The following CREB1 variants were observed in gnomAD, a reference collection of about 807,000 sequenced individuals.
The protein encoded by CREB1 is cAMP responsive element binding protein 1.
Under a neutral mutation model 42.0 loss-of-function variants are expected in CREB1, and 2 were observed. The ratio of observed to expected loss-of-function variants is 0.05; its 90% CI spans 0.02 to 0.15. The LOEUF (loss-of-function observed/expected upper bound fraction) is 0.15. CREB1 is among the 10% of genes least tolerant of loss of function. The pLI, the probability that CREB1 is intolerant of heterozygous loss-of-function variation, is 1.00. For missense variants in CREB1, 199 were observed against 388.9 expected (o/e 0.51, Z 4.11); for synonymous variants, 123 against 139.9 (o/e 0.88, Z 0.85).
chr2:207,540,045 C>T (rs1275091929), intron 1 of CREB1, among the ~76,000 whole-genome samples: 3 of 152,242 alleles, frequency 2.0e-5, no homozygotes, highest in African/African-American at 7.2e-5. Context: ...CAATTCTTCT[C>T]CTTAGTGTAG....
rs904997551 is a variant in CREB1 at position 207,604,330 on chromosome 2, G to A, written c.*7272G>A. Among the ~76,000 whole-genome samples the A allele has an allele frequency of 1.3e-5, 2 of 152,176 alleles. No individual in the cohort carries two copies. Among genetic ancestry groups the A allele is most frequent in the Non-Finnish European group, 2.9e-5 (2 of 68,036 alleles). On this transcript the variant is annotated 3_prime_UTR_variant, in exon 8 of 8. Coordinates refer to ENST00000353267, the MANE Select transcript of CREB1 (RefSeq NM_004379.5). Reference sequence around the variant, plus strand: ...CTCAGGTTGCAAAACACAGGCCCAAGACAAACTTAACTTCTCCCCCAAATC... The same window carrying A: ...CTCAGGTTGCAAAACACAGGCCCAAAACAAACTTAACTTCTCCCCCAAATC...
In CREB1 at chr2:207,605,236, C is replaced by T. The variant is rs1008798034; in HGVS notation, c.*8178C>T. Among the ~76,000 whole-genome samples, 4 of 152,108 alleles carry T rather than the reference C, an allele frequency of 2.6e-5. No individual in the cohort carries two copies. The highest frequency in any genetic ancestry group is 5.9e-5 in the Non-Finnish European group (4 of 68,018). ...CACACCTTCACCAACACTTATTTTG[C>T]CATTTTAAAAATTATAGCCATCCTC... is the stretch of plus-strand genomic sequence containing the variant. On this transcript the variant is annotated 3_prime_UTR_variant, in exon 8 of 8. Transcript: ENST00000353267.
At chr2:207,530,652 C>G (rs930707432) in intron 1 of CREB1, among the ~76,000 whole-genome samples, 8 of 150,470 alleles carry the variant, frequency 5.3e-5, no homozygotes, top group Non-Finnish European at 1.2e-4. Flanking sequence ...GCCTAGGTGC[C>G]GGTGGGGGAT....
At chr2:207,578,217 A>G (rs900235607) in intron 7 of CREB1, among the ~76,000 whole-genome samples, 1 of 152,222 alleles carries the variant, frequency 6.6e-6, no homozygotes, top group Admixed American at 6.5e-5. Flanking sequence ...AAAATACTAC[A>G]TTCAAAATCT....
intron 7 of CREB1, chr2:207,581,814 T>G: frequency 1.4e-6 from 1 of 700,760 alleles, no homozygotes; most frequent in Non-Finnish European, 2.6e-6. Context: ...TTGGGTACCA[T>G]ATCGCATTTA....
At chr2:207,545,264 G>T (rs1449229728) in intron 1 of CREB1, among the ~76,000 whole-genome samples, 1 of 152,150 alleles carries the variant, frequency 6.6e-6, no homozygotes. Flanking sequence ...CTGGAGTGCA[G>T]TGGCATGATC....
chr2:207,545,324 C>A (rs1273411761), intron 1 of CREB1, among the ~76,000 whole-genome samples: 1 of 152,182 alleles, frequency 6.6e-6, no homozygotes, highest in Non-Finnish European at 1.5e-5. Flanking sequence ...TCTCCTGCCT[C>A]AGCCTCCTGA....
chr2:207,603,251 AT>A lies in CREB1; in HGVS notation c.*6194del, dbSNP rs2087419411. 4.5e-6 allele frequency: 1 copy of A among 221,118 alleles called. No homozygotes were observed. Among genetic ancestry groups the A allele is most frequent in the Non-Finnish European group, 9.1e-6 (1 of 110,466 alleles). 13.7% of individuals were successfully genotyped at this position (221,118 alleles called of 1,614,324 possible). A position where few individuals can be genotyped will look rare whatever the true frequency, so the allele number is the denominator to read the frequency against. ...GCATTTTATTAACACTATGTACATAATAGCTGCTTTGTGTTCAGAATAGTAG... is the reference window on the plus strand; with the variant it reads ...GCATTTTATTAACACTATGTACATAAAGCTGCTTTGTGTTCAGAATAGTAG... On this transcript the variant is annotated 3_prime_UTR_variant, in exon 8 of 8. Transcript: ENST00000353267.
rs986876389 is a variant in CREB1 at position 207,605,913 on chromosome 2, T to C, written c.*8855T>C. ...CTGCTAAGCAATTTTTATTAACTTA[T>C]GTTGATTACTATTTTTATGTCAAAC... On this transcript the variant is annotated 3_prime_UTR_variant, in exon 8 of 8. Coordinates refer to ENST00000353267, the MANE Select transcript of CREB1 (RefSeq NM_004379.5). 6.6e-6 allele frequency among the ~76,000 whole-genome samples: 1 copy of C among 152,258 alleles called. No homozygotes were observed. Among genetic ancestry groups the C allele is most frequent in the Non-Finnish European group, 1.5e-5 (1 of 68,042 alleles).
chr2:207,542,980 G>T (rs916318002), intron 1 of CREB1, among the ~76,000 whole-genome samples: 1 of 152,276 alleles, frequency 6.6e-6, no homozygotes, highest in East Asian at 1.9e-4. Flanking sequence ...GTTGTCCCTT[G>T]GTATCGATGG....
intron 1 of CREB1, among the ~76,000 whole-genome samples, chr2:207,551,694 T>C (rs1169300098): frequency 6.6e-6 from 1 of 152,162 alleles, no homozygotes; most frequent in Non-Finnish European, 1.5e-5. Context: ...GTTATTTTAT[T>C]ACGTGGCCAT....
chr2:207,533,274 C>T (rs1367326486), intron 1 of CREB1, among the ~76,000 whole-genome samples: 7 of 151,992 alleles, frequency 4.6e-5, no homozygotes, highest in Non-Finnish European at 7.4e-5. Context: ...ATAAAAATGG[C>T]ACCTTTTTCT....
chr2:207,571,612 T>C, intron 5 of CREB1: 4 of 272,352 alleles, frequency 1.5e-5, no homozygotes, highest in South Asian at 1.3e-4. Flanking sequence ...TACAACTCTT[T>C]ACCTACAATT....
Position 207,605,982 on chromosome 2 carries a change from GCA to G in CREB1, c.*8927_*8928del, listed in dbSNP as rs2088030044. ...TTTTCTGGAATTAAAATTAGAAGTG[GCA>G]CAGACTTTCATAAGGCTTTCCTTTT... On this transcript the variant is annotated 3_prime_UTR_variant, in exon 8 of 8. Transcript: ENST00000353267. Among the ~76,000 whole-genome samples the G allele has an allele frequency of 6.6e-6, 1 of 152,116 alleles. No individual in the cohort carries two copies. The highest frequency in any genetic ancestry group is 1.5e-5 in the Non-Finnish European group (1 of 68,024).
intron 1 of CREB1, among the ~76,000 whole-genome samples, chr2:207,539,242 C>T (rs2080998675): frequency 6.9e-6 from 1 of 144,672 alleles, no homozygotes; most frequent in Non-Finnish European, 1.5e-5. Flanking sequence ...TTAGTAGAGA[C>T]AGGATTTCAC....
chr2:207,560,211 T>C lies in CREB1; in HGVS notation c.115-15T>C. On this transcript the variant is annotated splice_polypyrimidine_tract_variant and intron_variant, in intron 2 of 7. Coordinates refer to ENST00000353267, the MANE Select transcript of CREB1 (RefSeq NM_004379.5). ...TGTCTGGGATGATAATTCTTTTCTGTGTTCAACACCATAGGTATCTATGCC... is the reference window on the plus strand; with the variant it reads ...TGTCTGGGATGATAATTCTTTTCTGCGTTCAACACCATAGGTATCTATGCC... 6.4e-7 allele frequency: 1 copy of C among 1,559,282 alleles called. No homozygotes were observed. Among genetic ancestry groups the C allele is most frequent in the Admixed American group, 1.8e-5 (1 of 55,876 alleles).
chr2:207,534,069 G>T (rs907029243), intron 1 of CREB1, among the ~76,000 whole-genome samples: 2 of 152,162 alleles, frequency 1.3e-5, no homozygotes, highest in Non-Finnish European at 2.9e-5. Context: ...CTTCCTACCT[G>T]TGGGCCCTTA....
intron 6 of CREB1, chr2:207,577,112 T>G: frequency 2.0e-6 from 2 of 981,872 alleles, no homozygotes; most frequent in Non-Finnish European, 2.4e-6. Context: ...GTGGCAAGAG[T>G]CTACTTGAAA....
chr2:207,578,250 C>A (rs1184162527), intron 7 of CREB1, among the ~76,000 whole-genome samples: 1 of 151,932 alleles, frequency 6.6e-6, no homozygotes, highest in Non-Finnish European at 1.5e-5. Flanking sequence ...TAAAGCAATT[C>A]TCAGAAAGTA....
Sources: allele counts gnomAD v4.1 joint callset (sites outside exome capture counted in the v4.1 genomes callset), GRCh38; gene constraint gnomAD v4.1.1; transcripts MANE v1.5; gene names NCBI Gene and HGNC (gene_info 2026-07-23, HGNC 2026-07-21).